OTOGL: variants seen among roughly 807,000 people sequenced by gnomAD.
The protein encoded by OTOGL is otogelin-like protein.
A neutral mutation model predicts 318.5 loss-of-function variants in OTOGL; 285 were observed. The observed-to-expected ratio is 0.89, with a 90% CI of 0.81 to 0.99. OTOGL has a LOEUF of 0.99. OTOGL is among the 50% of genes least tolerant of loss of function. OTOGL has a pLI of 0.00. For synonymous variants in OTOGL, 987 were observed against 936.5 expected (o/e 1.05, Z -0.99); for missense variants, 2,899 against 2,845.6 (o/e 1.02, Z -0.43).
At position 80,296,862 on chromosome 12, in the gene OTOGL, G is replaced by A. The variant is rs1327725087; in HGVS notation, c.2964G>A (p.Gln988=). 2.3e-5 allele frequency: 35 copies of A among 1,527,320 alleles called. No individual in the cohort carries two copies. The highest frequency in any genetic ancestry group is 2.9e-5 in the Non-Finnish European group (33 of 1,138,684). 94.6% of individuals were successfully genotyped at this position (1,527,320 alleles called of 1,614,324 possible). The change falls in exon 27 of 59, where the codon CAG becomes CAA. Residue 988 remains glutamine, a synonymous_variant. Transcript: ENST00000547103. ...ADDSDISVIA[Q]NKKCFDNDIV... is the part of the protein sequence containing the mutation. Reference sequence around the variant, plus strand: ...ATTCAGATATATCTGTCATTGCCCAGAACAAGAAATGCTTTGACAACGATA... The same window carrying A: ...ATTCAGATATATCTGTCATTGCCCAAAACAAGAAATGCTTTGACAACGATA...
chr12:80,179,359 T>G (rs1271926), intron 1 of OTOGL, among the ~76,000 whole-genome samples: 50,006 of 151,968 alleles, frequency 0.33, 8,739 homozygotes, highest in Middle Eastern at 0.45. Flanking sequence ...CTGAATTTGA[T>G]CTTATGTAAA....
chr12:80,363,682 TA>T (rs1337155373), intron 52 of OTOGL, among the ~76,000 whole-genome samples: 2 of 152,164 alleles, frequency 1.3e-5, no homozygotes, highest in Non-Finnish European at 2.9e-5. Flanking sequence ...GAGGTCCTGG[TA>T]TTTGACTTGT....
intron 37 of OTOGL, among the ~76,000 whole-genome samples, chr12:80,331,872 G>A (rs1419455849): frequency 6.6e-6 from 1 of 152,128 alleles, no homozygotes; most frequent in Non-Finnish European, 1.5e-5. Context: ...AGAGAGGCAA[G>A]AGAGTTGGAG....
intron 35 of OTOGL, among the ~76,000 whole-genome samples, chr12:80,324,425 G>A (rs1041216540): frequency 4.6e-5 from 7 of 152,196 alleles, no homozygotes; most frequent in Non-Finnish European, 8.8e-5. Flanking sequence ...AACAAAGTGA[G>A]CAAAATGGAG....
chr12:80,307,259 T>TA (rs1555294516), intron 29 of OTOGL, among the ~76,000 whole-genome samples: 18 of 148,784 alleles, frequency 1.2e-4, no homozygotes, highest in Admixed American at 8.0e-4. Flanking sequence ...TCCCCACCTT[T>TA]CCCCCCTTTC....
At chr12:80,196,650 T>C (rs1010714814) in intron 1 of OTOGL, among the ~76,000 whole-genome samples, 1 of 152,202 alleles carries the variant, frequency 6.6e-6, no homozygotes, top group African/African-American at 2.4e-5. Flanking sequence ...GTGTCTGCTC[T>C]GGGCTTCTCC....
At chr12:80,127,307 G>A (rs1199437397) in intron 1 of OTOGL, among the ~76,000 whole-genome samples, 2 of 152,028 alleles carry the variant, frequency 1.3e-5, no homozygotes, top group Non-Finnish European at 2.9e-5. Context: ...ATGAAGCTTA[G>A]TTTGGCTGGA....
chr12:80,372,696 T>TG (rs975444821), intron 57 of OTOGL, among the ~76,000 whole-genome samples: 71 of 152,108 alleles, frequency 4.7e-4, no homozygotes, highest in African/African-American at 1.6e-3. Flanking sequence ...AGTAATTGTT[T>TG]TTTTTTTAGT....
chr12:80,271,519 A>G, intron 23 of OTOGL, 129 bp from the exon 24 acceptor site: 8 of 830,394 alleles, frequency 9.6e-6, no homozygotes, highest in Non-Finnish European at 1.4e-5. Flanking sequence ...TTACTGTCTT[A>G]TGGAAGGCAG....
At chr12:80,119,189 A>T (rs1206893698) in intron 1 of OTOGL, among the ~76,000 whole-genome samples, 1 of 152,192 alleles carries the variant, frequency 6.6e-6, no homozygotes, top group Admixed American at 6.5e-5. Context: ...GGGCATTGGG[A>T]GTGCATCTTC....
Position 80,350,626 on chromosome 12 carries a change from G to A in OTOGL, c.5266-1669G>A, listed in dbSNP as rs1305598251. ...CGAGTGGGAGGAAATATCACATTGT[G>A]GTTTTAATTTGTACTTTTCTGATGA... On this transcript the variant is annotated intron_variant, in intron 44 of 58. Transcript: ENST00000547103. Among the ~76,000 whole-genome samples, 5 of 152,118 alleles carry A rather than the reference G, an allele frequency of 3.3e-5. No individual in the cohort carries two copies. In the East Asian group the frequency reaches 9.7e-4, roughly 29 times the overall value.
chr12:80,154,313 G>A (rs571036595), intron 1 of OTOGL, among the ~76,000 whole-genome samples: 6 of 151,982 alleles, frequency 3.9e-5, no homozygotes, highest in East Asian at 3.9e-4. Flanking sequence ...AGTTAAAAAG[G>A]GGGGGAAAAA....
intron 5 of OTOGL, among the ~76,000 whole-genome samples, chr12:80,218,194 A>G (rs576627085): frequency 9.8e-5 from 15 of 152,322 alleles, no homozygotes; most frequent in African/African-American, 3.6e-4. Flanking sequence ...AAAATGCAAG[A>G]CTGTTGATCT....
chr12:80,235,226 A>G (rs900661976), intron 9 of OTOGL, among the ~76,000 whole-genome samples: 1 of 152,084 alleles, frequency 6.6e-6, no homozygotes, highest in African/African-American at 2.4e-5. Context: ...GCACTTTGGA[A>G]GGCCGAGGCA....
chr12:80,332,302 A>G (rs1027177841), intron 37 of OTOGL, among the ~76,000 whole-genome samples: 1 of 152,224 alleles, frequency 6.6e-6, no homozygotes, highest in Non-Finnish European at 1.5e-5. Flanking sequence ...TACAGCAGCA[A>G]TAGGAAACTA....
chr12:80,209,607 C>A, intron 2 of OTOGL, 97 bp downstream of exon 2: 1 of 759,056 alleles, frequency 1.3e-6, no homozygotes, highest in South Asian at 2.2e-5. Flanking sequence ...ACTTTGAAGT[C>A]ATTAGAATGA....
chr12:80,352,888 G>A (rs1226627401), intron 45 of OTOGL, among the ~76,000 whole-genome samples: 1 of 152,118 alleles, frequency 6.6e-6, no homozygotes, highest in African/African-American at 2.4e-5. Flanking sequence ...AATTTCTTTT[G>A]ACAGTGAAGG....
At chr12:80,320,311 A>G (rs1263476915) in intron 33 of OTOGL, 111 bp from the exon 34 acceptor site, 6 of 973,796 alleles carry the variant, frequency 6.2e-6, no homozygotes, top group South Asian at 2.6e-5. Flanking sequence ...GGCACTAATT[A>G]TGTTTGGCAA....
At chr12:80,297,326 T>C (rs1885471531) in intron 27 of OTOGL, among the ~76,000 whole-genome samples, 1 of 138,106 alleles carries the variant, frequency 7.2e-6, no homozygotes, top group Admixed American at 7.6e-5. Context: ...TTTATTTGTA[T>C]ATGTCTTTTT....
Sources: gnomAD v4.1 joint callset for allele counts (sites outside exome capture counted in the v4.1 genomes callset) on GRCh38, gnomAD v4.1.1 for gene constraint, MANE v1.5 for transcripts, NCBI Gene and HGNC (gene_info 2026-07-23, HGNC 2026-07-21) for gene names.